POMT2: variants seen among roughly 807,000 people sequenced by gnomAD.
POMT2 encodes protein O-mannosyl-transferase 2.
Under a neutral mutation model 100.0 loss-of-function variants are expected in POMT2, and 75 were observed. The ratio of observed to expected loss-of-function variants is 0.75; its 90% confidence interval spans 0.62 to 0.91. The LOEUF (loss-of-function observed/expected upper bound fraction) is 0.91. Ranked by LOEUF, POMT2 falls within the 40% of genes least tolerant of loss-of-function variation. The pLI, the probability that POMT2 is intolerant of heterozygous loss-of-function variation, is 0.00. For missense variants in POMT2, 940 were observed against 955.1 expected (o/e 0.98, Z 0.21); for synonymous variants, 378 against 374.1 (o/e 1.01, Z -0.12).
Position 77,302,905 on chromosome 14 carries a change from C to A in POMT2, c.586G>T (p.Asp196Tyr), listed in dbSNP as rs1200584567. Reference protein sequence around the residue: ...CLTLSQYILLDPILMFFIMAA... With the variant: ...CLTLSQYILLYPILMFFIMAA... ...ATGATGAAGAACATCAGGATGGGGTCAAGGAGGATGTACTGGGACAGAGTG... is the reference window on the plus strand; with the variant it reads ...ATGATGAAGAACATCAGGATGGGGTAAAGGAGGATGTACTGGGACAGAGTG... The change falls in exon 5 of 21, where the codon GAC (aspartate) becomes TAC (tyrosine). Residue 196 changes from aspartate (D) to tyrosine (Y), a missense_variant. Asp to Tyr is a radical substitution (Grantham distance 160). Transcript: ENST00000261534. The A allele has an allele frequency of 3.1e-6, 5 of 1,613,770 alleles. No homozygotes were observed. The African/African-American group carries it at 5.3e-5, about 17-fold the overall frequency.
In POMT2 at chr14:77,279,975, C is replaced by T. The variant is rs368777639; in HGVS notation, c.1785+46G>A. ...CAGATGAGAACGCAGCCGCTCTCCA[C>T]GGGCAAGTGCTCCAGGGCCTGAGCC... On this transcript the variant is annotated intron_variant, in intron 17 of 20. Transcript: ENST00000261534. 1.2e-4 allele frequency: 194 copies of T among 1,614,026 alleles called. 1 individual carries two copies. Among genetic ancestry groups the T allele is most frequent in the African/African-American group, 1.6e-4 (12 of 74,928 alleles).
At position 77,278,392 on chromosome 14, in the gene POMT2, A is replaced by T; in HGVS notation, c.2147+2T>A. 2 of 1,461,338 alleles carry T rather than the reference A, an allele frequency of 1.4e-6. No homozygotes were observed. Among genetic ancestry groups the T allele is most frequent in the Non-Finnish European group, 9.4e-7 (1 of 1,065,872 alleles). The allele number at this position is 1,461,338 out of a possible 1,614,324, so 90.5% of individuals were successfully genotyped here. A position where few individuals can be genotyped will look rare whatever the true frequency, so the allele number is the denominator to read the frequency against. On this transcript the variant is annotated splice_donor_variant, in intron 20 of 20. Coordinates refer to ENST00000261534, the MANE Select transcript of POMT2 (RefSeq NM_013382.7). LOFTEE classifies it high-confidence loss of function. ...GGGCATGTGAGGTGCAGAGATGCTCACCTGTAGGCAGTTCCCAGGAGCAGG... is the reference window on the plus strand; with the variant it reads ...GGGCATGTGAGGTGCAGAGATGCTCTCCTGTAGGCAGTTCCCAGGAGCAGG...
chr14:77,288,805 C>T lies in POMT2; in HGVS notation c.1210G>A (p.Glu404Lys), dbSNP rs2140195392. The T allele has an allele frequency of 6.2e-7, 1 of 1,613,900 alleles. No homozygotes were observed. The highest frequency in any genetic ancestry group is 1.7e-5 in the Admixed American group (1 of 59,992). Residue 404 changes from glutamate (E) to lysine (K), a missense_variant, in exon 11 of 21, where the codon GAG (glutamate) becomes AAG (lysine). Transcript: ENST00000261534. Reference protein sequence around the residue: ...SDPLDPSFPVEFVRHGDIIRL... With the variant: ...SDPLDPSFPVKFVRHGDIIRL... ...ATAATGTCTCCATGTCTTACAAACT[C>T]CACTGGGAAGGAAGGGTCTAGGGGA...
At chr14:77,308,725 T>TGA (rs1437756954) in intron 2 of POMT2, 1 of 450,460 alleles carries the variant, frequency 2.2e-6, no homozygotes. Flanking sequence ...TGTCATACAC[T>TGA]GTTGGTGGGA....
chr14:77,279,313 T>C (rs912985124), intron 18 of POMT2: 2 of 367,538 alleles, frequency 5.4e-6, no homozygotes, highest in African/African-American at 2.1e-5. Flanking sequence ...CCTGTGTGAC[T>C]GTCTCAGGTG....
intron 6 of POMT2, chr14:77,300,122 A>G (rs1271949501): frequency 5.5e-6 from 1 of 180,662 alleles, no homozygotes; most frequent in African/African-American, 2.4e-5. Flanking sequence ...ATTCATCTGT[A>G]TATTCCAGCA....
chr14:77,299,673 T>G, intron 6 of POMT2, 112 bp from the exon 7 acceptor site: 1 of 847,142 alleles, frequency 1.2e-6, no homozygotes, highest in Non-Finnish European at 2.0e-6. Flanking sequence ...TCATAAAAAA[T>G]GGCCAAGAGG....
intron 14 of POMT2, 145 bp downstream of exon 14, chr14:77,284,805 C>A: frequency 2.8e-6 from 2 of 721,342 alleles, no homozygotes; most frequent in African/African-American, 1.8e-5. Flanking sequence ...TAGGTACAGA[C>A]AACTCATAGA....
At position 77,299,291 on chromosome 14, in the gene POMT2, A is replaced by G. The variant is rs75798179; in HGVS notation, c.923+164T>C. Among the ~76,000 whole-genome samples the G allele has an allele frequency of 4.9e-3, 748 of 152,330 alleles. 9 individuals carry two copies. The highest frequency in any genetic ancestry group is 0.017 in the African/African-American group (712 of 41,556). On this transcript the variant is annotated intron_variant, in intron 7 of 20. Transcript: ENST00000261534. ...GTGCTGGCCTTTCTGAGCCCTTAGC[A>G]TATACCCAAAGGATAGAACATAGCA...
chr14:77,296,039 G>T (rs1890815908), intron 9 of POMT2, 125 bp downstream of exon 9: 1 of 807,166 alleles, frequency 1.2e-6, no homozygotes, highest in Non-Finnish European at 2.1e-6. Flanking sequence ...AAAACAGAAG[G>T]GTGCAGGGCT....
chr14:77,316,762 G>A (rs758679545), intron 1 of POMT2, among the ~76,000 whole-genome samples: 27 of 152,038 alleles, frequency 1.8e-4, no homozygotes, highest in Non-Finnish European at 3.4e-4. Context: ...CAATGATTAG[G>A]CTGAGTTAAA....
At chr14:77,284,141 A>T in intron 14 of POMT2, 1 of 470,306 alleles carries the variant, frequency 2.1e-6, no homozygotes, top group Non-Finnish European at 3.9e-6. Flanking sequence ...ATTGCTTTTC[A>T]CTGTGGTACT....
chr14:77,312,386 G>A (rs956880235), intron 1 of POMT2: 7 of 243,924 alleles, frequency 2.9e-5, no homozygotes, highest in South Asian at 1.4e-4. Context: ...TCTTCTGGCC[G>A]GGTACGGTGG....
intron 1 of POMT2, chr14:77,312,736 T>C (rs907464995): frequency 6.6e-6 from 1 of 152,266 alleles, no homozygotes; most frequent in African/African-American, 2.4e-5. Flanking sequence ...CCAAGTCTGC[T>C]AACTTCTGAG....
intron 14 of POMT2, 130 bp downstream of exon 14, chr14:77,284,820 G>C (rs993999732): frequency 2.6e-6 from 2 of 775,716 alleles, no homozygotes; most frequent in Non-Finnish European, 4.4e-6. Flanking sequence ...CATAGAAAGA[G>C]AGTGTTAACA....
At chr14:77,283,698 AG>A in intron 15 of POMT2, 98 bp downstream of exon 15, 3 of 1,053,990 alleles carry the variant, frequency 2.8e-6, no homozygotes, top group East Asian at 4.7e-5. Flanking sequence ...TTCCTCCACA[AG>A]GGGGAATGGA....
rs1222025304 is a variant in POMT2, at chr14:77,299,476, T to C, written c.902A>G (p.His301Arg). The C allele has an allele frequency of 1.9e-6, 3 of 1,613,824 alleles. No homozygotes were observed. Among genetic ancestry groups the C allele is most frequent in the Non-Finnish European group, 2.5e-6 (3 of 1,179,942 alleles). Residue 301 changes from histidine to arginine, a missense_variant, in exon 7 of 21, where the codon CAC becomes CGC. Transcript: ENST00000261534. ...GTACCTTTTACTCAGCACCATGAAG[T>C]GAACAGCAAAGGTGGCTGTATAGAG... ...LALYTATFAV[H>R]FMVLSKSGPG...
At chr14:77,297,551 CA>C (rs1890876670) in intron 8 of POMT2, among the ~76,000 whole-genome samples, 1 of 152,186 alleles carries the variant, frequency 6.6e-6, no homozygotes, top group South Asian at 2.1e-4. Context: ...CCTTCCAACC[CA>C]ACTTCTTCTC....
At chr14:77,320,277 G>T (rs1400468563) in intron 1 of POMT2, 157 bp downstream of exon 1, 2 of 1,248,992 alleles carry the variant, frequency 1.6e-6, no homozygotes, top group Admixed American at 4.0e-5. Flanking sequence ...CCCAGAGAAT[G>T]CACCTCGCCA....
Sources: gnomAD v4.1 joint callset for allele counts (sites outside exome capture counted in the v4.1 genomes callset) on GRCh38, gnomAD v4.1.1 for gene constraint, MANE v1.5 for transcripts, NCBI Gene and HGNC (gene_info 2026-07-23, HGNC 2026-07-21) for gene names.